COL19A1: variants seen among roughly 807,000 people sequenced by gnomAD.
The protein encoded by COL19A1 is collagen alpha-1(XIX) chain.
In COL19A1, 159 loss-of-function variants were observed where a neutral mutation model predicts 190.2. The observed-to-expected ratio is 0.84, with a 90% CI of 0.73 to 0.95. The LOEUF is 0.95. COL19A1 is among the 40% of genes least tolerant of loss of function. The pLI, the probability that COL19A1 is intolerant of heterozygous loss-of-function variation, is 0.00. For synonymous variants in COL19A1, 509 were observed against 458.9 expected (o/e 1.11, Z -1.39); for missense variants, 1,418 against 1,431.9 (o/e 0.99, Z 0.16).
intron 15 of COL19A1, among the ~76,000 whole-genome samples, chr6:70,099,112 T>G (rs1412048236): frequency 2.0e-5 from 3 of 149,692 alleles, no homozygotes; most frequent in Admixed American, 1.3e-4. Context: ...GTGCCCTGCC[T>G]GGACCCATAG....
intron 6 of COL19A1, among the ~76,000 whole-genome samples, chr6:69,931,692 CA>C (rs1460877150): frequency 5.3e-5 from 8 of 152,166 alleles, no homozygotes; most frequent in African/African-American, 1.9e-4. Flanking sequence ...CAAAAAGTTA[CA>C]GAACATAAAT....
chr6:69,964,174 A>G (rs1271412948), intron 11 of COL19A1, among the ~76,000 whole-genome samples: 1 of 152,182 alleles, frequency 6.6e-6, no homozygotes, highest in Non-Finnish European at 1.5e-5. Context: ...GAGAATGAGC[A>G]TCTATTATAA....
At chr6:70,063,336 A>G (rs1158177787) in intron 14 of COL19A1, among the ~76,000 whole-genome samples, 1 of 151,968 alleles carries the variant, frequency 6.6e-6, no homozygotes, top group Non-Finnish European at 1.5e-5. Flanking sequence ...CTCACTCAAA[A>G]CCGCTCAACT....
At chr6:69,991,652 T>A (rs1057260071) in intron 11 of COL19A1, among the ~76,000 whole-genome samples, 1 of 152,180 alleles carries the variant, frequency 6.6e-6, no homozygotes, top group Non-Finnish European at 1.5e-5. Context: ...TGTTGAGCAT[T>A]TTTTAATATG....
chr6:70,008,871 T>C (rs907922208), intron 11 of COL19A1, among the ~76,000 whole-genome samples: 1 of 151,932 alleles, frequency 6.6e-6, no homozygotes, highest in Non-Finnish European at 1.5e-5. Flanking sequence ...GGTTTAACAT[T>C]TGAAAATTTG....
At chr6:70,085,419 G>A (rs1782518829) in intron 15 of COL19A1, among the ~76,000 whole-genome samples, 1 of 152,192 alleles carries the variant, frequency 6.6e-6, no homozygotes, top group Admixed American at 6.5e-5. Context: ...GGAAGTGCCA[G>A]TTAGTAGACT....
chr6:70,050,417 T>A (rs940414629), intron 14 of COL19A1, among the ~76,000 whole-genome samples: 5 of 152,052 alleles, frequency 3.3e-5, no homozygotes, highest in African/African-American at 1.2e-4. Flanking sequence ...TTCTAAGTAT[T>A]CCTTTTATAA....
intron 4 of COL19A1, among the ~76,000 whole-genome samples, chr6:69,919,073 G>T (rs182423954): frequency 2.6e-4 from 39 of 152,220 alleles, no homozygotes; most frequent in African/African-American, 9.1e-4. Flanking sequence ...AACTCCCACT[G>T]CCTTAAGGTG....
intron 46 of COL19A1, among the ~76,000 whole-genome samples, chr6:70,186,824 A>G (rs920620683): frequency 2.6e-5 from 4 of 152,158 alleles, no homozygotes; most frequent in African/African-American, 4.8e-5. Context: ...GGCACATCTA[A>G]TATAATATTT....
chr6:69,923,059 C>T (rs1051190786), intron 4 of COL19A1, among the ~76,000 whole-genome samples: 8 of 151,934 alleles, frequency 5.3e-5, no homozygotes, highest in Non-Finnish European at 1.0e-4. Flanking sequence ...TGTAAGAAAC[C>T]ACTACAAAAC....
chr6:70,151,336 T>C, intron 30 of COL19A1, 61 bp from the exon 31 acceptor site: 3 of 1,513,160 alleles, frequency 2.0e-6, no homozygotes, highest in Non-Finnish European at 2.7e-6. Flanking sequence ...ATACTGTATG[T>C]TTATATTGTA....
chr6:69,982,973 A>AAAAT (rs56922945), intron 11 of COL19A1, among the ~76,000 whole-genome samples: 40,688 of 132,394 alleles, frequency 0.31, 6,411 homozygotes, highest in Middle Eastern at 0.42. Context: ...CTCTGTCTCA[A>AAAAT]AAATAAATAA....
At chr6:70,069,761 A>G (rs1342632400) in intron 15 of COL19A1, among the ~76,000 whole-genome samples, 1 of 152,170 alleles carries the variant, frequency 6.6e-6, no homozygotes, top group African/African-American at 2.4e-5. Context: ...GTTGTTGTAC[A>G]GTTACCTTTT....
intron 16 of COL19A1, among the ~76,000 whole-genome samples, chr6:70,107,168 T>C (rs1784027499): frequency 6.6e-6 from 1 of 152,214 alleles, no homozygotes; most frequent in South Asian, 2.1e-4. Context: ...TAAACCTTTA[T>C]TCTGCCAGAC....
intron 47 of COL19A1, among the ~76,000 whole-genome samples, chr6:70,189,389 A>G (rs1040468908): frequency 6.6e-6 from 1 of 151,914 alleles, no homozygotes. Context: ...AGAGCTTCCA[A>G]CTCTCTCATC....
intron 16 of COL19A1, among the ~76,000 whole-genome samples, chr6:70,116,701 A>G (rs1409400102): frequency 6.6e-6 from 1 of 151,644 alleles, no homozygotes; most frequent in Non-Finnish European, 1.5e-5. Flanking sequence ...CTACTTTTTT[A>G]CAAGCCATTA....
intron 15 of COL19A1, among the ~76,000 whole-genome samples, chr6:70,080,918 C>CTTAT (rs1463780633): frequency 2.6e-5 from 4 of 152,122 alleles, no homozygotes; most frequent in African/African-American, 9.7e-5. Flanking sequence ...TCACTGGGAG[C>CTTAT]TTATGCAAGT....
In COL19A1 at chr6:69,927,962, G is replaced by A. The variant is rs767849294; in HGVS notation, c.320G>A (p.Arg107Gln). 3.7e-6 allele frequency: 6 copies of A among 1,613,300 alleles called. No individual in the cohort carries two copies. The highest frequency in any genetic ancestry group is 1.1e-5 in the South Asian group (1 of 91,042). ...PEEYSVAAMFRVRRNAKKERW... is the reference protein window; with the variant it reads ...PEEYSVAAMFQVRRNAKKERW... ...GAGTACTCAGTAGCTGCCATGTTTC[G>A]AGTACGAAGAAACGCCAAAAAGGAA... The change falls in exon 5 of 51, where the codon CGA (arginine) becomes CAA (glutamine). Residue 107 changes from arginine (R) to glutamine (Q), a missense_variant. Physicochemically the swap from Arg to Gln is conservative, Grantham distance 43. Coordinates refer to ENST00000620364, the MANE Select transcript of COL19A1 (RefSeq NM_001858.6).
At chr6:70,080,692 C>T (rs562895945) in intron 15 of COL19A1, among the ~76,000 whole-genome samples, 2 of 152,252 alleles carry the variant, frequency 1.3e-5, no homozygotes, top group South Asian at 4.1e-4. Flanking sequence ...TTTTATGTCT[C>T]TGTGCACATT....
Sources: gnomAD v4.1 joint callset for allele counts (sites outside exome capture counted in the v4.1 genomes callset) on GRCh38, gnomAD v4.1.1 for gene constraint, MANE v1.5 for transcripts, NCBI Gene and HGNC (gene_info 2026-07-23, HGNC 2026-07-21) for gene names.